ITGA8: variants seen among roughly 807,000 people sequenced by gnomAD.
ITGA8 encodes integrin alpha-8.
ITGA8 carries 91 observed loss-of-function variants against 142.3 expected under a neutral mutation model. The ratio of observed to expected loss-of-function variants is 0.64; its 90% CI spans 0.54 to 0.76. The LOEUF is 0.76. ITGA8 is among the 30% of genes least tolerant of loss of function. The probability of loss-of-function intolerance (pLI) is 0.00; values close to 1 mark genes in which losing one functional copy is unlikely to be tolerated. For synonymous variants in ITGA8, 505 were observed against 485.2 expected (o/e 1.04, Z -0.54); for missense variants, 1,406 against 1,327.7 (o/e 1.06, Z -0.92).
At chr10:15,630,254 T>A (rs1300060408) in intron 13 of ITGA8, among the ~76,000 whole-genome samples, 2 of 152,072 alleles carry the variant, frequency 1.3e-5, no homozygotes, top group Non-Finnish European at 2.9e-5. Flanking sequence ...TGAAACACAG[T>A]GGCAAGTTAA....
At chr10:15,642,757 C>T (rs1588693415) in intron 13 of ITGA8, among the ~76,000 whole-genome samples, 3 of 152,136 alleles carry the variant, frequency 2.0e-5, no homozygotes, top group African/African-American at 7.2e-5. Flanking sequence ...AGGTTTATGG[C>T]AAATTTATAA....
chr10:15,660,987 C>T, intron 8 of ITGA8, 65 bp from the exon 9 acceptor site: 1 of 1,325,456 alleles, frequency 7.5e-7, no homozygotes, highest in Non-Finnish European at 1.1e-6. Context: ...ACACACACGC[C>T]ATATACTAAA....
chr10:15,531,632 C>A (rs902059802), intron 27 of ITGA8, among the ~76,000 whole-genome samples: 1 of 152,022 alleles, frequency 6.6e-6, no homozygotes, highest in Non-Finnish European at 1.5e-5. Context: ...GAGAAACTGG[C>A]AGTAAGTTAT....
chr10:15,593,990 T>C (rs1299675813), intron 21 of ITGA8, among the ~76,000 whole-genome samples: 4 of 151,978 alleles, frequency 2.6e-5, no homozygotes, highest in East Asian at 1.9e-4. Flanking sequence ...TACGGGTGTG[T>C]GCCACCACAC....
chr10:15,698,945 G>A (rs1482243123), intron 2 of ITGA8, among the ~76,000 whole-genome samples: 1 of 152,078 alleles, frequency 6.6e-6, no homozygotes, highest in African/African-American at 2.4e-5. Flanking sequence ...CTTTGTTTTG[G>A]TTGCATTTGC....
chr10:15,659,154 G>A (rs568374481), intron 9 of ITGA8, 99 bp from the exon 10 acceptor site: 20 of 690,262 alleles, frequency 2.9e-5, no homozygotes, highest in Non-Finnish European at 4.3e-5. Context: ...TTTGTAAAGT[G>A]TGATAAATGG....
At chr10:15,596,769 G>A (rs1195523074) in intron 21 of ITGA8, 1 of 158,490 alleles carries the variant, frequency 6.3e-6, no homozygotes, top group Non-Finnish European at 1.4e-5. Context: ...AATCTCCCTT[G>A]AAAAGGGAAT....
At chr10:15,679,559 G>C (rs1372532510) in intron 4 of ITGA8, among the ~76,000 whole-genome samples, 1 of 152,192 alleles carries the variant, frequency 6.6e-6, no homozygotes, top group Non-Finnish European at 1.5e-5. Context: ...TCCAGCCTGG[G>C]TGACAGAGCA....
Position 15,717,220 on chromosome 10 carries a change from G to A in ITGA8, c.343+1546C>T, listed in dbSNP as rs143731970. Among the ~76,000 whole-genome samples the A allele has an allele frequency of 3.3e-3, 504 of 152,180 alleles. 2 individuals carry two copies. The highest frequency in any genetic ancestry group is 0.012 in the African/African-American group (483 of 41,530). On this transcript the variant is annotated intron_variant, in intron 2 of 29. Transcript: ENST00000378076. ...AGAAGATTATTAAATTCTTTTCCAC[G>A]ACCATAAATTGCTTCTTGGTGAAAA...
At chr10:15,679,559 G>A (rs1372532510) in intron 4 of ITGA8, among the ~76,000 whole-genome samples, 6 of 152,192 alleles carry the variant, frequency 3.9e-5, no homozygotes, top group African/African-American at 1.4e-4. Flanking sequence ...TCCAGCCTGG[G>A]TGACAGAGCA....
chr10:15,631,325 A>G (rs1343207708), intron 13 of ITGA8, among the ~76,000 whole-genome samples: 1 of 152,038 alleles, frequency 6.6e-6, no homozygotes, highest in Admixed American at 6.5e-5. Flanking sequence ...CCAAAAGCCT[A>G]TCAATGATAG....
At position 15,517,239 on chromosome 10, in the gene ITGA8, T is replaced by A; in HGVS notation, c.3111A>T (p.Gly1037=). 1 of 1,609,914 alleles carries A rather than the reference T, an allele frequency of 6.2e-7. No homozygotes were observed. Among genetic ancestry groups the A allele is most frequent in the South Asian group, 1.1e-5 (1 of 90,472 alleles). The change falls in exon 30 of 30, where the codon GGA becomes GGT. Residue 1037 remains glycine, a synonymous_variant. Coordinates refer to ENST00000378076, the MANE Select transcript of ITGA8 (RefSeq NM_003638.3). ...AILTLALWKC[G]FFDRARPPQE... Reference sequence around the variant, plus strand: ...GAGGAGGTCTGGCTCTGTCAAAGAATCCACACTATAAAGGGAAAGATGGGC... The same window carrying A: ...GAGGAGGTCTGGCTCTGTCAAAGAAACCACACTATAAAGGGAAAGATGGGC...
intron 15 of ITGA8, 160 bp downstream of exon 15, chr10:15,613,500 G>A (rs1046533186): frequency 4.6e-6 from 3 of 650,688 alleles, no homozygotes; most frequent in Admixed American, 2.5e-5. Context: ...CTCAAACTTC[G>A]GCCACAGACC....
intron 2 of ITGA8, among the ~76,000 whole-genome samples, chr10:15,715,285 A>T (rs948353938): frequency 6.6e-6 from 1 of 151,808 alleles, no homozygotes; most frequent in East Asian, 1.9e-4. Flanking sequence ...ATCCTTTCCA[A>T]CCCCTCTCTG....
At chr10:15,574,554 C>A (rs1354317472) in intron 24 of ITGA8, among the ~76,000 whole-genome samples, 2 of 152,006 alleles carry the variant, frequency 1.3e-5, no homozygotes, top group Non-Finnish European at 2.9e-5. Context: ...CCAAGCCCAG[C>A]TAATTTTTGT....
intron 12 of ITGA8, among the ~76,000 whole-genome samples, chr10:15,645,092 C>CAAAAA (rs1168510743): frequency 6.4e-5 from 3 of 46,800 alleles, no homozygotes; most frequent in Non-Finnish European, 7.7e-5. Flanking sequence ...GACTCTGTCT[C>CAAAAA]AAAAAAAAAA....
chr10:15,669,151 C>T (rs4029994), intron 8 of ITGA8, among the ~76,000 whole-genome samples: 140,907 of 152,226 alleles, frequency 0.93, 66,035 homozygotes, highest in Non-Finnish European at 1. Flanking sequence ...CACTTTCAGG[C>T]ACACCAATCA....
At position 15,597,191 on chromosome 10, in the gene ITGA8, T is replaced by G. The variant is rs1317295699; in HGVS notation, c.2211+16A>C. Reference sequence around the variant, plus strand: ...AGTTAGAAGGAAATCAGTCAGTATTTCTGGTTCTCTCTTACATTTGTTCCA... The same window carrying G: ...AGTTAGAAGGAAATCAGTCAGTATTGCTGGTTCTCTCTTACATTTGTTCCA... On this transcript the variant is annotated intron_variant, in intron 21 of 29. Coordinates refer to ENST00000378076, the MANE Select transcript of ITGA8 (RefSeq NM_003638.3). The G allele has an allele frequency of 1.3e-6, 2 of 1,590,878 alleles. No individual in the cohort carries two copies. The highest frequency in any genetic ancestry group is 1.7e-6 in the Non-Finnish European group (2 of 1,158,748).
intron 23 of ITGA8, among the ~76,000 whole-genome samples, chr10:15,578,079 T>C (rs1422360785): frequency 6.6e-6 from 1 of 152,116 alleles, no homozygotes; most frequent in African/African-American, 2.4e-5. Context: ...AAATGTGATA[T>C]TGTATATAAT....
Sources: gnomAD v4.1 joint callset for allele counts (sites outside exome capture counted in the v4.1 genomes callset) on GRCh38, gnomAD v4.1.1 for gene constraint, MANE v1.5 for transcripts, NCBI Gene and HGNC (gene_info 2026-07-23, HGNC 2026-07-21) for gene names.